The following PAFAH1B1 variants were observed in gnomAD, a reference collection of about 807,000 sequenced individuals.
The protein encoded by PAFAH1B1 is platelet-activating factor acetylhydrolase IB subunit beta.
In PAFAH1B1, 2 loss-of-function variants were observed where a neutral mutation model predicts 57.5. The observed-to-expected ratio is 0.03, with a 90% CI of 0.01 to 0.11. The LOEUF (loss-of-function observed/expected upper bound fraction) is 0.11, where lower values mean the gene tolerates loss of function less well. Ranked by LOEUF, PAFAH1B1 falls within the 10% of genes least tolerant of loss-of-function variation. The pLI, the probability that PAFAH1B1 is intolerant of heterozygous loss-of-function variation, is 1.00. For synonymous variants in PAFAH1B1, 152 were observed against 169.6 expected, an observed-to-expected ratio of 0.90 and a Z score of 0.81; for missense variants, 257 against 512.0, an observed-to-expected ratio of 0.50 and a Z score of 4.81.
chr17:2,610,939 C>A (rs1290902801), intron 1 of PAFAH1B1, among the ~76,000 whole-genome samples: 1 of 152,152 alleles, frequency 6.6e-6, no homozygotes, highest in Non-Finnish European at 1.5e-5. Context: ...AGCTTTTTAA[C>A]CTCCTTGGCA....
intron 1 of PAFAH1B1, among the ~76,000 whole-genome samples, chr17:2,594,755 A>G (rs6502385): frequency 0.29 from 44,136 of 152,052 alleles, 6,553 homozygotes; most frequent in Middle Eastern, 0.39. Flanking sequence ...TGCTGTTAAC[A>G]TTCAGCTTCG....
intron 9 of PAFAH1B1, among the ~76,000 whole-genome samples, chr17:2,677,077 C>T (rs182094807): frequency 0.014 from 2,075 of 152,114 alleles, 46 homozygotes; most frequent in African/African-American, 0.048. Context: ...GGCGTGAACC[C>T]GGGAGGTGGA....
chr17:2,629,396 A>G (rs997033425), intron 1 of PAFAH1B1, among the ~76,000 whole-genome samples: 1 of 152,076 alleles, frequency 6.6e-6, no homozygotes, highest in Non-Finnish European at 1.5e-5. Flanking sequence ...ATGTATTTGC[A>G]TGGTTTTGAA....
At position 2,651,584 on chromosome 17, in the gene PAFAH1B1, C is replaced by CA. The variant is rs572952878; in HGVS notation, c.32+13278dup. ...TGGGTAACAGAGTGAGACTCCATCT[C>CA]AAAAAAAAAAAAAAGAAAAATACAT... is the stretch of plus-strand genomic sequence containing the variant. On this transcript the variant is annotated intron_variant, in intron 2 of 10. Coordinates refer to ENST00000397195, the MANE Select transcript of PAFAH1B1 (RefSeq NM_000430.4). Among the ~76,000 whole-genome samples the CA allele has an allele frequency of 3.7e-3, 396 of 107,164 alleles. 1 individual carries two copies. Among genetic ancestry groups the CA allele is most frequent in the African/African-American group, 5.8e-3 (166 of 28,624 alleles). 70.3% of individuals were successfully genotyped at this position (107,164 alleles called of 152,430 possible). A position where few individuals can be genotyped will look rare whatever the true frequency, so the allele number is the denominator to read the frequency against.
intron 6 of PAFAH1B1, among the ~76,000 whole-genome samples, chr17:2,671,776 T>A (rs568063212): frequency 1.8e-4 from 28 of 151,992 alleles, no homozygotes; most frequent in African/African-American, 6.8e-4. Context: ...CTAACTTTTT[T>A]ATTTTTAGTA....
Position 2,667,072 on chromosome 17 carries a change from A to C in PAFAH1B1, c.273A>C (p.Pro91=). ...GACCTCTTGGTCAGAAACGAGACCC[A>C]AAAGAATGGATTCCCCGTCCGCCAG... is the stretch of plus-strand genomic sequence containing the variant. ...SGGPLGQKRD[P]KEWIPRPPEK... is the part of the protein sequence containing the mutation. The change falls in exon 5 of 11, where the codon CCA becomes CCC. Residue 91 remains proline (P), a synonymous_variant. Transcript: ENST00000397195. 1 of 1,613,958 alleles carries C rather than the reference A, an allele frequency of 6.2e-7. No homozygotes were observed.
intron 1 of PAFAH1B1, among the ~76,000 whole-genome samples, chr17:2,637,047 G>A (rs2068633976): frequency 6.6e-6 from 1 of 151,974 alleles, no homozygotes; most frequent in African/African-American, 2.4e-5. Context: ...TTCTTCACTG[G>A]CTTATTCATT....
At chr17:2,609,814 C>G (rs146345617) in intron 1 of PAFAH1B1, among the ~76,000 whole-genome samples, 1 of 151,660 alleles carries the variant, frequency 6.6e-6, no homozygotes, top group East Asian at 1.9e-4. Flanking sequence ...CCGGCTGAAA[C>G]GAAGAATATT....
chr17:2,650,085 A>G (rs566279165), intron 2 of PAFAH1B1, among the ~76,000 whole-genome samples: 1 of 152,366 alleles, frequency 6.6e-6, no homozygotes, highest in African/African-American at 2.4e-5. Context: ...CTTCTGTGTG[A>G]AGAAAGGCCT....
At chr17:2,615,723 G>T (rs1220262423) in intron 1 of PAFAH1B1, among the ~76,000 whole-genome samples, 1 of 151,922 alleles carries the variant, frequency 6.6e-6, no homozygotes, top group African/African-American at 2.4e-5. Context: ...ACAGGCGTGA[G>T]CCACCGCGCC....
chr17:2,635,698 T>C (rs1181239356), intron 1 of PAFAH1B1, among the ~76,000 whole-genome samples: 2 of 152,166 alleles, frequency 1.3e-5, no homozygotes, highest in Non-Finnish European at 2.9e-5. Context: ...ATTTGCTTTT[T>C]TGGCTAGCAG....
At chr17:2,629,257 CGTTTGCTGT>C (rs2068528525) in intron 1 of PAFAH1B1, among the ~76,000 whole-genome samples, 1 of 152,082 alleles carries the variant, frequency 6.6e-6, no homozygotes. Flanking sequence ...CTTAGCACTG[CGTTTGCTGT>C]ATCCCAGAGG....
chr17:2,598,625 T>G (rs2151606915), intron 1 of PAFAH1B1, among the ~76,000 whole-genome samples: 1 of 152,208 alleles, frequency 6.6e-6, no homozygotes, highest in African/African-American at 2.4e-5. Flanking sequence ...CTTAGAAAGT[T>G]GTTCTATTTA....
At chr17:2,665,701 A>T (rs1201071700) in intron 3 of PAFAH1B1, among the ~76,000 whole-genome samples, 1 of 151,960 alleles carries the variant, frequency 6.6e-6, no homozygotes, top group East Asian at 1.9e-4. Context: ...TCCCAGATTC[A>T]AGCGATTCTC....
chr17:2,607,111 A>C (rs1439937087), intron 1 of PAFAH1B1, among the ~76,000 whole-genome samples: 1 of 152,152 alleles, frequency 6.6e-6, no homozygotes, highest in Non-Finnish European at 1.5e-5. Context: ...GGCTTGAGCC[A>C]CCACGCTTGG....
chr17:2,609,525 T>A (rs560227647), intron 1 of PAFAH1B1: 12 of 152,330 alleles, frequency 7.9e-5, no homozygotes, highest in African/African-American at 2.9e-4. Flanking sequence ...GAAGATTTTT[T>A]TTTTTGAGAC....
intron 2 of PAFAH1B1, among the ~76,000 whole-genome samples, chr17:2,658,170 A>G (rs1300383868): frequency 6.6e-6 from 1 of 152,226 alleles, no homozygotes; most frequent in Non-Finnish European, 1.5e-5. Flanking sequence ...AGTGTCAGTC[A>G]ATAATATAGT....
chr17:2,652,472 T>C (rs940234615), intron 2 of PAFAH1B1, among the ~76,000 whole-genome samples: 1 of 152,222 alleles, frequency 6.6e-6, no homozygotes, highest in Non-Finnish European at 1.5e-5. Context: ...GACTGTGATA[T>C]ATTTTTAAGC....
intron 9 of PAFAH1B1, among the ~76,000 whole-genome samples, chr17:2,678,419 A>AAAC (rs2069307716): frequency 6.9e-6 from 1 of 144,798 alleles, no homozygotes; most frequent in African/African-American, 2.6e-5. Context: ...AAAAAAAAAA[A>AAAC]CCCGGGCATG....
Sources: gnomAD v4.1 joint callset for allele counts (sites outside exome capture counted in the v4.1 genomes callset) on GRCh38, gnomAD v4.1.1 for gene constraint, MANE v1.5 for transcripts, NCBI Gene and HGNC (gene_info 2026-07-23, HGNC 2026-07-21) for gene names.